Variants in BOD1L1 observed in about 807,000 individuals in gnomAD.
The protein encoded by BOD1L1 is biorientation of chromosomes in cell division protein 1-like 1.
A neutral mutation model predicts 240.7 loss-of-function variants in BOD1L1; 86 were observed. The ratio of observed to expected loss-of-function variants is 0.36; its 90% CI spans 0.30 to 0.43. The LOEUF (loss-of-function observed/expected upper bound fraction) is 0.43. BOD1L1 is among the 20% of genes least tolerant of loss of function. BOD1L1 has a pLI of 1.00. For synonymous variants in BOD1L1, 1,268 were observed against 1,272.3 expected (o/e 1.00, Z 0.07); for missense variants, 3,554 against 3,643.5 (o/e 0.98, Z 0.63).
Position 13,599,600 on chromosome 4 carries a change from G to A in BOD1L1, c.7300C>T (p.His2434Tyr), listed in dbSNP as rs1439606131. Residue 2434 changes from histidine to tyrosine, a missense_variant, in exon 10 of 26, where the codon CAT (histidine) becomes TAT (tyrosine). Physicochemically the swap from His to Tyr is moderately conservative, Grantham distance 83. Around this residue, in one of 2 missense-constraint regions of BOD1L1, gnomAD observed 3,393 missense variants for 3,427.1 expected, o/e 0.99. Transcript: ENST00000040738. ...CCTATTTCGGGGCACTCCTTGCCAT[G>A]CTTCTCTTCTTTTTCCGCACAAACA... Reference protein sequence around the residue: ...SAVCAEKEEKHGKECPEIGPF... With the variant: ...SAVCAEKEEKYGKECPEIGPF... 7 of 1,614,046 alleles carry A rather than the reference G, an allele frequency of 4.3e-6. No homozygotes were observed. In the East Asian group the frequency reaches 1.6e-4, roughly 36 times the overall value.
Position 13,596,028 on chromosome 4 carries a change from A to C in BOD1L1, c.8020-84T>G, listed in dbSNP as rs543713583. On this transcript the variant is annotated intron_variant, in intron 11 of 25. Transcript: ENST00000040738. ...CCTCAAGTGAATTAAACAAAAAAAAACCCAGCATCCTGAAACAATATAAAA... is the reference window on the plus strand; with the variant it reads ...CCTCAAGTGAATTAAACAAAAAAAACCCCAGCATCCTGAAACAATATAAAA... 2,461 of 1,114,582 alleles carry C rather than the reference A, an allele frequency of 2.2e-3. 10 individuals carry two copies. The highest frequency in any genetic ancestry group is 3.0e-3 in the Non-Finnish European group (2,264 of 763,238). The allele number at this position is 1,114,582 out of a possible 1,614,324, so 69.0% of individuals were successfully genotyped here.
Position 13,602,940 on chromosome 4 carries a change from C to A in BOD1L1, c.3960G>T (p.Ala1320=). 3 of 1,613,926 alleles carry A rather than the reference C, an allele frequency of 1.9e-6. No homozygotes were observed. Among genetic ancestry groups the A allele is most frequent in the Non-Finnish European group, 2.5e-6 (3 of 1,179,886 alleles). Residue 1320 remains alanine (A), a synonymous_variant, in exon 10 of 26, where the codon GCG becomes GCT. Transcript: ENST00000040738. ...TTTGGTTAGGGAGAGCAGAGTGATC[C>A]GCAGGGGAGGTGCTGGCTGTGCTAC... is the stretch of plus-strand genomic sequence containing the variant. ...LEGSTASTSP[A]DHSALPNQSL...
chr4:13,571,807 T>C (rs1019424002), intron 25 of BOD1L1, among the ~76,000 whole-genome samples: 1 of 152,214 alleles, frequency 6.6e-6, no homozygotes, highest in African/African-American at 2.4e-5. Context: ...TTCCTGAGAT[T>C]CTTTCCCTCA....
In BOD1L1 at chr4:13,610,922, A is replaced by T; in HGVS notation, c.1491+12T>A. On this transcript the variant is annotated intron_variant, in intron 6 of 25. Transcript: ENST00000040738. The stretch of plus-strand genomic sequence containing the variant: ...TGTAGTAGGTTAAAATAACAGAACA[A>T]ACTGGACTTACAATGGACTGTCGTC... 6.3e-7 allele frequency: 1 copy of T among 1,589,734 alleles called. No individual in the cohort carries two copies. Among genetic ancestry groups the T allele is most frequent in the Non-Finnish European group, 8.5e-7 (1 of 1,169,750 alleles).
rs1716363594 is a variant in BOD1L1, at chr4:13,613,792, G to A, written c.1175-131C>T. ...GTCAAACTATCAAACAAGGCAGAGT[G>A]GTTTCCAGAAAATACAAAGGCAAAG... On this transcript the variant is annotated intron_variant, in intron 4 of 25. Transcript: ENST00000040738. The surrounding 1 kb of genome is among the most constrained non-coding windows in gnomAD (Gnocchi z 4.0). 3.2e-6 allele frequency: 2 copies of A among 630,258 alleles called. No homozygotes were observed. The highest frequency in any genetic ancestry group is 3.9e-5 in the Admixed American group (1 of 25,816). 39.0% of individuals were successfully genotyped at this position (630,258 alleles called of 1,614,324 possible).
At chr4:13,589,713 G>A (rs979479690) in intron 14 of BOD1L1, among the ~76,000 whole-genome samples, 4 of 152,188 alleles carry the variant, frequency 2.6e-5, no homozygotes, top group African/African-American at 9.7e-5. Context: ...TTTTTTAAAA[G>A]GTATGTGAAG....
At chr4:13,610,288 T>C (rs368022498) in intron 6 of BOD1L1, among the ~76,000 whole-genome samples, 6 of 152,362 alleles carry the variant, frequency 3.9e-5, no homozygotes, top group African/African-American at 1.4e-4. Flanking sequence ...AATAGGTAAA[T>C]AGCATTTCCA....
chr4:13,576,284 G>A (rs926373405), intron 25 of BOD1L1, among the ~76,000 whole-genome samples: 5 of 152,144 alleles, frequency 3.3e-5, no homozygotes, highest in African/African-American at 9.7e-5. Context: ...AAACTCATCT[G>A]ACCGTGGTAC....
Position 13,613,379 on chromosome 4 carries a change from A to G in BOD1L1, c.1324+133T>C. 3 of 865,936 alleles carry G rather than the reference A, an allele frequency of 3.5e-6. No individual in the cohort carries two copies. Among genetic ancestry groups the G allele is most frequent in the African/African-American group, 1.7e-5 (1 of 59,560 alleles). 53.6% of individuals were successfully genotyped at this position (865,936 alleles called of 1,614,324 possible). ...AGACAACTTTGGAGCTGGGACTCAG[A>G]AACAAATCTTCCAACTACAAAATCC... is the stretch of plus-strand genomic sequence containing the variant. On this transcript the variant is annotated intron_variant, in intron 5 of 25. Coordinates refer to ENST00000040738, the MANE Select transcript of BOD1L1 (RefSeq NM_148894.3). This position sits in a 1 kb window ranked among gnomAD's most constrained non-coding sequence, Gnocchi z 4.0.
At chr4:13,620,921 G>T (rs530639554) in intron 1 of BOD1L1, among the ~76,000 whole-genome samples, 36 of 152,316 alleles carry the variant, frequency 2.4e-4, no homozygotes, top group African/African-American at 7.9e-4. Context: ...CATCCCCCAA[G>T]GGACGCTTGG....
rs1715407375 is a variant in BOD1L1, at chr4:13,603,575, C to T, written c.3325G>A (p.Gly1109Ser). 2 of 1,613,872 alleles carry T rather than the reference C, an allele frequency of 1.2e-6. No individual in the cohort carries two copies. Among genetic ancestry groups the T allele is most frequent in the Admixed American group, 3.3e-5 (2 of 60,014 alleles). The change falls in exon 10 of 26, where the codon GGT (glycine) becomes AGT (serine). Residue 1109 changes from glycine (G) to serine (S), a missense_variant. Physicochemically the swap from Gly to Ser is moderately conservative, Grantham distance 56. Transcript: ENST00000040738. Reference sequence around the variant, plus strand: ...TGTTCAGGGATCAATGTCATATCACCACTCTTTTTTGGTCTCTGAAGGGAG... The same window carrying T: ...TGTTCAGGGATCAATGTCATATCACTACTCTTTTTTGGTCTCTGAAGGGAG... ...GSSLQRPKKS[G>S]DMTLIPEQEP...
intron 22 of BOD1L1, 171 bp from the exon 23 acceptor site, chr4:13,577,802 C>T: frequency 2.2e-6 from 1 of 459,390 alleles, no homozygotes; most frequent in Non-Finnish European, 3.8e-6. Flanking sequence ...GCAGAGATCA[C>T]ATTGGATTGT....
intron 10 of BOD1L1, among the ~76,000 whole-genome samples, chr4:13,597,919 G>A (rs762223113): frequency 6.6e-6 from 1 of 152,194 alleles, no homozygotes; most frequent in Non-Finnish European, 1.5e-5. Flanking sequence ...TCAGCTTCCT[G>A]AGACTGGGTT....
Position 13,599,153 on chromosome 4 carries a change from T to A in BOD1L1, c.7747A>T (p.Thr2583Ser), listed in dbSNP as rs746022293. 2 of 1,613,956 alleles carry A rather than the reference T, an allele frequency of 1.2e-6. No homozygotes were observed. The highest frequency in any genetic ancestry group is 1.7e-6 in the Non-Finnish European group (2 of 1,179,916). ...CTGTAAGTAGCTGGAGGGATCATTG[T>A]GTGGGAAGGAGCAATTTTTGATTCT... ...GQESKIAPSH[T>S]MIPPATYSVA... Residue 2583 changes from threonine (T) to serine (S), a missense_variant, in exon 10 of 26, where the codon ACA becomes TCA. Physicochemically the swap from Thr to Ser is moderately conservative, Grantham distance 58 (BLOSUM62 1). This residue lies in a region of BOD1L1 where 3,393 missense variants were observed against 3,427.1 expected (regional missense o/e 0.99). Transcript: ENST00000040738.
chr4:13,592,150 A>T, intron 12 of BOD1L1, 184 bp from the exon 13 acceptor site: 1 of 513,150 alleles, frequency 1.9e-6, no homozygotes, highest in Non-Finnish European at 3.5e-6. Context: ...TACTACCAGA[A>T]TATACTACCA....
Position 13,587,731 on chromosome 4 carries a change from T to C in BOD1L1, c.8321A>G (p.Lys2774Arg). 1 of 1,559,950 alleles carries C rather than the reference T, an allele frequency of 6.4e-7. No homozygotes were observed. The highest frequency in any genetic ancestry group is 8.7e-7 in the Non-Finnish European group (1 of 1,149,518). ...EERHMPKRKR[K>R]QHYLSSEDEP... is the part of the protein sequence containing the mutation. ...ATCTTCTGAAGAGAGATAATGCTGC[T>C]TTCTTTTTCTTTTAGGCATATGCCT... The change falls in exon 16 of 26, where the codon AAG becomes AGG. Residue 2774 changes from lysine (K) to arginine (R), a missense_variant. Lys to Arg is a conservative substitution (Grantham distance 26). Transcript: ENST00000040738.
In BOD1L1 at chr4:13,603,957, T is replaced by G. The variant is rs1046053909; in HGVS notation, c.2943A>C (p.Ala981=). The change falls in exon 10 of 26, where the codon GCA becomes GCC. Residue 981 remains alanine, a synonymous_variant. Transcript: ENST00000040738. Reference sequence around the variant, plus strand: ...GACTAGAATCCTTCTGTGTACTATGTGCTGAAGAAGAAGCAGTCTCTAATA... The same window carrying G: ...GACTAGAATCCTTCTGTGTACTATGGGCTGAAGAAGAAGCAGTCTCTAATA... ...EPVLETASSS[A]HSTQKDSSHR... is the part of the protein sequence containing the mutation. 6.8e-6 allele frequency: 11 copies of G among 1,613,834 alleles called. No homozygotes were observed. The African/African-American group carries it at 1.5e-4, about 22-fold the overall frequency.
Position 13,599,892 on chromosome 4 carries a change from T to C in BOD1L1, c.7008A>G (p.Glu2336=). 6.2e-7 allele frequency: 1 copy of C among 1,613,980 alleles called. No individual in the cohort carries two copies. Among genetic ancestry groups the C allele is most frequent in the Non-Finnish European group, 8.5e-7 (1 of 1,179,862 alleles). ...CAATGCTGGCGGAAATTGGCATACA[T>C]TCTGCTGTGCTGGTGGAGATGATGG... The part of the protein sequence containing the change: ...DAAIISTSTA[E]CMPISASIDR... The change falls in exon 10 of 26, where the codon GAA becomes GAG. Residue 2336 remains glutamate, a synonymous_variant. Coordinates refer to ENST00000040738, the MANE Select transcript of BOD1L1 (RefSeq NM_148894.3).
intron 21 of BOD1L1, 97 bp downstream of exon 21, chr4:13,580,923 G>A: frequency 2.6e-6 from 3 of 1,164,966 alleles, no homozygotes; most frequent in Non-Finnish European, 3.6e-6. Context: ...AGCTTTTCAA[G>A]TAAAAAAAAT....
Sources: allele counts gnomAD v4.1 joint callset (sites outside exome capture counted in the v4.1 genomes callset), GRCh38; gene constraint gnomAD v4.1.1; regional missense constraint gnomAD v4.1.1; non-coding constraint Gnocchi (gnomAD v3.1); transcripts MANE v1.5; gene names NCBI Gene and HGNC (gene_info 2026-07-23, HGNC 2026-07-21).